Variants in SNX13 observed in about 807,000 individuals in gnomAD.
SNX13 encodes the protein sorting nexin-13.
In SNX13, 45 loss-of-function variants were observed where a neutral mutation model predicts 133.6. The ratio of observed to expected loss-of-function variants is 0.34; its 90% CI spans 0.27 to 0.43. The LOEUF is 0.43. Ranked by LOEUF, SNX13 falls within the 20% of genes least tolerant of loss-of-function variation. The pLI is 1.00. For synonymous variants in SNX13, 414 were observed against 373.9 expected, an observed-to-expected ratio of 1.11 and a Z score of -1.24; for missense variants, 1,032 against 1,145.1, an observed-to-expected ratio of 0.90 and a Z score of 1.43.
At chr7:17,880,520 TAC>T (rs1795217464) in intron 5 of SNX13, 1 of 152,218 alleles carries the variant, frequency 6.6e-6, no homozygotes, top group Non-Finnish European at 1.5e-5. Context: ...CAGGTCACAC[TAC>T]AGACTAATTG....
intron 13 of SNX13, among the ~76,000 whole-genome samples, chr7:17,838,303 T>C (rs1362605338): frequency 6.6e-6 from 1 of 151,988 alleles, no homozygotes; most frequent in Non-Finnish European, 1.5e-5. Context: ...CTCCTTTTAA[T>C]TTCTGTAGGG....
intron 9 of SNX13, among the ~76,000 whole-genome samples, chr7:17,855,614 A>G (rs1474953569): frequency 1.3e-5 from 2 of 152,224 alleles, no homozygotes; most frequent in Admixed American, 6.5e-5. Flanking sequence ...AAGCCTGAAT[A>G]ATAGCATGTC....
At chr7:17,935,836 A>G (rs1053115759) in intron 1 of SNX13, among the ~76,000 whole-genome samples, 4 of 152,236 alleles carry the variant, frequency 2.6e-5, no homozygotes, top group South Asian at 2.1e-4. Flanking sequence ...TAGCTCTTGC[A>G]GTGTCATTAA....
intron 12 of SNX13, among the ~76,000 whole-genome samples, chr7:17,840,450 A>T (rs996650642): frequency 1.8e-4 from 27 of 152,004 alleles, no homozygotes; most frequent in Non-Finnish European, 3.2e-4. Flanking sequence ...TAGCAATAAG[A>T]TCTAAATTAA....
intron 9 of SNX13, 55 bp from the exon 10 acceptor site, chr7:17,851,019 A>G: frequency 6.5e-7 from 1 of 1,535,238 alleles, no homozygotes; most frequent in Non-Finnish European, 8.8e-7. Context: ...ATGAAAAGGA[A>G]AACTGAATCT....
At chr7:17,805,713 G>A (rs1224338952) in intron 20 of SNX13, among the ~76,000 whole-genome samples, 1 of 152,132 alleles carries the variant, frequency 6.6e-6, no homozygotes, top group Non-Finnish European at 1.5e-5. Flanking sequence ...CTAGGCATGA[G>A]GCTATACTAC....
At chr7:17,899,930 T>A (rs1208494993) in intron 1 of SNX13, 2 of 152,142 alleles carry the variant, frequency 1.3e-5, no homozygotes, top group East Asian at 3.9e-4. Flanking sequence ...TCTGGGCTTG[T>A]TTGTCCCAGT....
Position 17,897,427 on chromosome 7 carries a change from C to A in SNX13, c.32G>T (p.Gly11Val). The A allele has an allele frequency of 6.3e-7, 1 of 1,599,884 alleles. No homozygotes were observed. Among genetic ancestry groups the A allele is most frequent in the South Asian group, 1.1e-5 (1 of 88,636 alleles). ...AAGGACAATGCCAAGGCTTCCCCATCCCCATATGGATAGACTGGCCTGAAA... is the reference window on the plus strand; with the variant it reads ...AAGGACAATGCCAAGGCTTCCCCATACCCATATGGATAGACTGGCCTGAAA... MLTEASLSIW[G>V]WGSLGIVLFL... is the part of the protein sequence containing the mutation. The change falls in exon 2 of 26, where the codon GGA becomes GTA. Residue 11 changes from glycine (G) to valine (V), a missense_variant. Coordinates refer to ENST00000428135, the MANE Select transcript of SNX13 (RefSeq NM_015132.5).
In SNX13 at chr7:17,882,326, A is replaced by G. The variant is rs541796721; in HGVS notation, c.441-6536T>C. ...TTACACTTCAGAAAACTTAAAAAAA[A>G]TCAAACTCATAACACTACAGATTTA... On this transcript the variant is annotated intron_variant, in intron 5 of 25. Coordinates refer to ENST00000428135, the MANE Select transcript of SNX13 (RefSeq NM_015132.5). 6 of 152,336 alleles carry G rather than the reference A, an allele frequency of 3.9e-5. No homozygotes were observed. The East Asian group carries it at 1.2e-3, about 29-fold the overall frequency. 9.4% of individuals were successfully genotyped at this position (152,336 alleles called of 1,614,324 possible).
chr7:17,825,257 A>AACTAGACTAGACTAG (rs3056689), intron 17 of SNX13, among the ~76,000 whole-genome samples: 2,415 of 146,494 alleles, frequency 0.016, 39 homozygotes, highest in African/African-American at 0.038. Context: ...AACTAGATTA[A>AACTAGACTAGACTAG]ACTAGACTAG....
intron 9 of SNX13, among the ~76,000 whole-genome samples, chr7:17,862,176 T>A (rs570360215): frequency 1.3e-5 from 2 of 152,162 alleles, no homozygotes; most frequent in African/African-American, 4.8e-5. Context: ...CAGAGGGGAA[T>A]AAAAATAATT....
intron 22 of SNX13, among the ~76,000 whole-genome samples, chr7:17,799,395 T>G (rs1784388244): frequency 7.2e-5 from 11 of 151,770 alleles, no homozygotes. Flanking sequence ...GTTTAACATT[T>G]TCAAGGCAAA....
At chr7:17,856,079 C>A (rs1223452089) in intron 9 of SNX13, among the ~76,000 whole-genome samples, 1 of 152,098 alleles carries the variant, frequency 6.6e-6, no homozygotes, top group African/African-American at 2.4e-5. Context: ...AGGAAGTCAC[C>A]ACAGATGTGG....
chr7:17,892,573 T>C (rs1796739458), intron 3 of SNX13, among the ~76,000 whole-genome samples: 1 of 151,852 alleles, frequency 6.6e-6, no homozygotes, highest in African/African-American at 2.4e-5. Flanking sequence ...AAAGTTTAAG[T>C]ATTAAAAAAT....
chr7:17,938,572 G>T (rs558001637), intron 1 of SNX13, among the ~76,000 whole-genome samples: 36 of 152,310 alleles, frequency 2.4e-4, no homozygotes, highest in Non-Finnish European at 4.6e-4. Flanking sequence ...GTTGTGCAGT[G>T]TTCACACAAA....
At chr7:17,833,924 A>AT (rs1179137538) in intron 15 of SNX13, 128 bp downstream of exon 15, 4 of 617,172 alleles carry the variant, frequency 6.5e-6, no homozygotes, top group African/African-American at 1.9e-5. Flanking sequence ...TCATTTGTAG[A>AT]TTTTTTAATA....
chr7:17,876,282 C>G (rs1794714255), intron 5 of SNX13, among the ~76,000 whole-genome samples: 1 of 152,154 alleles, frequency 6.6e-6, no homozygotes, highest in Non-Finnish European at 1.5e-5. Flanking sequence ...TACACTAGCA[C>G]TTAAAAACTT....
chr7:17,918,229 G>A (rs1338679570), intron 1 of SNX13, among the ~76,000 whole-genome samples: 1 of 152,090 alleles, frequency 6.6e-6, no homozygotes, highest in Admixed American at 6.6e-5. Flanking sequence ...CTTAGCCAAA[G>A]AATTTATAAG....
chr7:17,845,739 C>G lies in SNX13; in HGVS notation c.1066-45G>C, dbSNP rs761833178. ...TAAGTTAATATTTTATCTAATCATT[C>G]ATTGTTAAAGATGTGTACATAAATA... On this transcript the variant is annotated intron_variant, in intron 11 of 25. Coordinates refer to ENST00000428135, the MANE Select transcript of SNX13 (RefSeq NM_015132.5). The G allele has an allele frequency of 3.8e-6, 5 of 1,317,360 alleles. No homozygotes were observed. In the Admixed American group the frequency reaches 9.1e-5, roughly 24 times the overall value. 81.6% of individuals were successfully genotyped at this position (1,317,360 alleles called of 1,614,324 possible).
Sources: gnomAD v4.1 joint callset for allele counts (sites outside exome capture counted in the v4.1 genomes callset) on GRCh38, gnomAD v4.1.1 for gene constraint, MANE v1.5 for transcripts, NCBI Gene and HGNC (gene_info 2026-07-23, HGNC 2026-07-21) for gene names.